The following DAB1 variants were observed in gnomAD, a reference collection of about 807,000 sequenced individuals.
DAB1 encodes the protein disabled homolog 1.
In DAB1, 15 loss-of-function variants were observed where a neutral mutation model predicts 64.6. That is an observed-to-expected ratio of 0.23 (90% confidence interval 0.16 to 0.36). DAB1 has a LOEUF of 0.36. Ranked by LOEUF, DAB1 falls within the 10% of genes least tolerant of loss-of-function variation. The probability of loss-of-function intolerance (pLI) is 1.00; values close to 1 mark genes in which losing one functional copy is unlikely to be tolerated. For synonymous variants in DAB1, 235 were observed against 251.9 expected, an observed-to-expected ratio of 0.93 and a Z score of 0.64; for missense variants, 596 against 706.7, an observed-to-expected ratio of 0.84 and a Z score of 1.78.
intron 9 of DAB1, among the ~76,000 whole-genome samples, chr1:57,059,701 T>C (rs1650186766): frequency 6.6e-6 from 1 of 151,844 alleles, no homozygotes; most frequent in African/African-American, 2.4e-5. Context: ...AACTTTCCAA[T>C]ACATAAACTA....
intron 1 of DAB1, among the ~76,000 whole-genome samples, chr1:57,373,112 G>C (rs1474797301): frequency 6.6e-6 from 1 of 152,206 alleles, no homozygotes; most frequent in Non-Finnish European, 1.5e-5. Flanking sequence ...ATGAGCCTGG[G>C]AGTTCGAGGC....
At chr1:58,504,919 T>C (rs1645962846) in intron 3 of DAB1, among the ~76,000 whole-genome samples, 1 of 152,180 alleles carries the variant, frequency 6.6e-6, no homozygotes, top group Admixed American at 6.5e-5. Context: ...AGGTACTCCG[T>C]ATTTGTTGGG....
chr1:57,216,275 T>C (rs1027958148), intron 2 of DAB1, among the ~76,000 whole-genome samples: 2 of 152,122 alleles, frequency 1.3e-5, no homozygotes, highest in African/African-American at 4.8e-5. Flanking sequence ...TGTGCCTCTC[T>C]GGAATTGCTA....
chr1:57,888,862 A>G (rs1225397332), upstream of DAB1, among the ~76,000 whole-genome samples: 2 of 152,152 alleles, frequency 1.3e-5, no homozygotes, highest in Non-Finnish European at 2.9e-5. Context: ...TAAAAAGTAA[A>G]TAATATTTAG....
rs1269880929 is a variant in DAB1 at position 57,350,232 on chromosome 1, G to A, written c.-136-59066C>T. 2.6e-5 allele frequency among the ~76,000 whole-genome samples: 4 copies of A among 152,140 alleles called. No individual in the cohort carries two copies. The East Asian group carries it at 7.7e-4, about 29-fold the overall frequency. ...GACACAATTTTTATCCTCATTTTTT[G>A]TTCTTTTTAAAAATGAGGACACTGA... On this transcript the variant is annotated intron_variant, in intron 1 of 14. Coordinates refer to ENST00000371236, the MANE Select transcript of DAB1 (RefSeq NM_001365792.1).
chr1:57,755,803 G>A (rs531558419), intron 6 of DAB1, among the ~76,000 whole-genome samples: 10 of 152,254 alleles, frequency 6.6e-5, no homozygotes, highest in East Asian at 5.8e-4. Flanking sequence ...ATGCTGCCAC[G>A]TACAGAGCTC....
chr1:57,338,224 A>T (rs1476874412), intron 1 of DAB1, among the ~76,000 whole-genome samples: 1 of 152,008 alleles, frequency 6.6e-6, no homozygotes, highest in Non-Finnish European at 1.5e-5. Context: ...GGCTCAAGAG[A>T]TCTGCCCACC....
intron 9 of DAB1, among the ~76,000 whole-genome samples, chr1:57,053,688 A>ATATATTTTTT (rs1447741565): frequency 2.0e-4 from 14 of 71,400 alleles, no homozygotes; most frequent in Admixed American, 4.6e-4. Context: ...ATATATATAT[A>ATATATTTTTT]TTTTTTTTTT....
At chr1:57,215,870 G>T (rs1666385662) in intron 2 of DAB1, among the ~76,000 whole-genome samples, 1 of 152,218 alleles carries the variant, frequency 6.6e-6, no homozygotes. Flanking sequence ...TAGTAGCTGT[G>T]TGTGAAAGGG....
intron 7 of DAB1, among the ~76,000 whole-genome samples, chr1:57,611,790 A>G (rs1358685455): frequency 6.6e-6 from 1 of 152,228 alleles, no homozygotes; most frequent in East Asian, 1.9e-4. Flanking sequence ...CACCCCAGCA[A>G]TCAGATCTCC....
intron 5 of DAB1, among the ~76,000 whole-genome samples, chr1:58,110,574 T>A (rs1651916996): frequency 6.6e-6 from 1 of 152,180 alleles, no homozygotes; most frequent in South Asian, 2.1e-4. Flanking sequence ...CCAGAGAAGT[T>A]AAAACACTCA....
chr1:57,575,327 T>C (rs1236177025), intron 7 of DAB1, among the ~76,000 whole-genome samples: 2 of 152,208 alleles, frequency 1.3e-5, no homozygotes, highest in Non-Finnish European at 2.9e-5. Context: ...AAATTCTACA[T>C]CTATTTAGTT....
At chr1:58,214,726 T>C (rs191012523) in intron 4 of DAB1, among the ~76,000 whole-genome samples, 5 of 152,298 alleles carry the variant, frequency 3.3e-5, no homozygotes, top group Admixed American at 2.6e-4. Context: ...GTAGAAACAA[T>C]ATTTTTGCAA....
chr1:58,052,570 C>T (rs1647749620), intron 5 of DAB1, among the ~76,000 whole-genome samples: 13 of 151,998 alleles, frequency 8.6e-5, no homozygotes, highest in Admixed American at 8.5e-4. Flanking sequence ...AGTTTTTTTC[C>T]AATTCTGTGA....
chr1:57,493,912 C>A (rs776980407), intron 7 of DAB1, among the ~76,000 whole-genome samples: 36 of 152,144 alleles, frequency 2.4e-4, no homozygotes, highest in South Asian at 4.1e-4. Context: ...ACAACCCGAT[C>A]TTGCAATCAG....
chr1:57,756,812 A>G (rs1648831818), intron 6 of DAB1, among the ~76,000 whole-genome samples: 3 of 152,028 alleles, frequency 2.0e-5, no homozygotes, highest in Non-Finnish European at 4.4e-5. Flanking sequence ...AACAAGTTCA[A>G]TAGGGTCCAA....
At chr1:58,191,627 C>T (rs992632002) in intron 4 of DAB1, among the ~76,000 whole-genome samples, 20 of 152,186 alleles carry the variant, frequency 1.3e-4, no homozygotes, top group African/African-American at 4.6e-4. Context: ...GCTTTGCAAT[C>T]GAGGGGCCAC....
chr1:57,138,063 C>T (rs933819634), intron 3 of DAB1, among the ~76,000 whole-genome samples: 2 of 152,254 alleles, frequency 1.3e-5, no homozygotes, highest in South Asian at 4.2e-4. Flanking sequence ...GCCTGGTATA[C>T]TGAAGAAATA....
intron 3 of DAB1, among the ~76,000 whole-genome samples, chr1:58,347,837 G>C (rs1644016576): frequency 6.6e-6 from 1 of 152,128 alleles, no homozygotes; most frequent in Non-Finnish European, 1.5e-5. Context: ...CCCTTGGCTT[G>C]AGCAGTGGCT....
Sources: gnomAD v4.1 joint callset for allele counts (sites outside exome capture counted in the v4.1 genomes callset) on GRCh38, gnomAD v4.1.1 for gene constraint, MANE v1.5 for transcripts, NCBI Gene and HGNC (gene_info 2026-07-23, HGNC 2026-07-21) for gene names.